The following CFAP54 variants were observed in gnomAD, a reference collection of about 807,000 sequenced individuals.
CFAP54 encodes cilia and flagella associated protein 54.
In CFAP54, 290 loss-of-function variants were observed where a neutral mutation model predicts 370.4. The observed-to-expected ratio is 0.78, with a 90% confidence interval of 0.71 to 0.86. CFAP54 has a LOEUF of 0.86. Among genes scored for constraint, CFAP54 ranks in the 40% least tolerant of loss-of-function variants. CFAP54 has a pLI of 0.00. For missense variants in CFAP54, 3,399 were observed against 3,528.7 expected (o/e 0.96, Z 0.93); for synonymous variants, 1,206 against 1,236.5 (o/e 0.98, Z 0.52).
Position 96,626,632 on chromosome 12 carries a change from A to G in CFAP54, c.3977-181A>G, listed in dbSNP as rs184913418. On this transcript the variant is annotated intron_variant, in intron 29 of 67. Transcript: ENST00000524981. ...AATATAGACTGTAAAGGATTCATTG[A>G]TATTAGAAAAACAATAGTTCACACC... 3.4e-3 allele frequency among the ~76,000 whole-genome samples: 512 copies of G among 152,318 alleles called. 2 individuals are homozygous for G. The highest frequency in any genetic ancestry group is 0.012 in the African/African-American group (489 of 41,578).
chr12:96,506,077 C>T (rs1165528315), intron 3 of CFAP54, among the ~76,000 whole-genome samples: 1 of 152,138 alleles, frequency 6.6e-6, no homozygotes, highest in Admixed American at 6.5e-5. Flanking sequence ...CGGTGGCTCA[C>T]GCCTGTAATC....
intron 39 of CFAP54, among the ~76,000 whole-genome samples, chr12:96,677,192 G>T (rs1001475669): frequency 1.1e-3 from 154 of 139,278 alleles, no homozygotes; most frequent in African/African-American, 3.8e-3. Context: ...TATTTTTTTT[G>T]TAGAGACAGG....
chr12:96,602,110 C>A (rs1198715565), intron 26 of CFAP54, among the ~76,000 whole-genome samples: 2 of 152,160 alleles, frequency 1.3e-5, no homozygotes, highest in Non-Finnish European at 2.9e-5. Flanking sequence ...ATAAATTTCC[C>A]TCTACACACT....
At position 96,489,588 on chromosome 12, in the gene CFAP54, A is replaced by G. The variant is rs1178362430; in HGVS notation, c.-22A>G. 1 of 1,499,146 alleles carries G rather than the reference A, an allele frequency of 6.7e-7. No individual in the cohort carries two copies. The highest frequency in any genetic ancestry group is 1.3e-5 in the South Asian group (1 of 79,948). 92.9% of individuals were successfully genotyped at this position (1,499,146 alleles called of 1,614,324 possible). On this transcript the variant is annotated 5_prime_UTR_variant, in exon 1 of 68. Coordinates refer to ENST00000524981, the MANE Select transcript of CFAP54 (RefSeq NM_001306084.2). ...AGGCAACCGCGTGTACACATACTCCAGGCGGGCCGGGGCGCGTCAATATGG... is the reference window on the plus strand; with the variant it reads ...AGGCAACCGCGTGTACACATACTCCGGGCGGGCCGGGGCGCGTCAATATGG...
chr12:96,612,771 A>T (rs574630048), intron 26 of CFAP54, among the ~76,000 whole-genome samples: 1 of 152,320 alleles, frequency 6.6e-6, no homozygotes, highest in East Asian at 1.9e-4. Flanking sequence ...AAAGAGACAA[A>T]GAAGACCATT....
At chr12:96,626,052 G>A (rs756963544) in intron 29 of CFAP54, among the ~76,000 whole-genome samples, 3 of 152,078 alleles carry the variant, frequency 2.0e-5, no homozygotes, top group Non-Finnish European at 2.9e-5. Flanking sequence ...GGTAGTGAAT[G>A]GTGTTATTAT....
chr12:96,532,167 T>C (rs1318849523), intron 9 of CFAP54, among the ~76,000 whole-genome samples: 1 of 152,266 alleles, frequency 6.6e-6, no homozygotes, highest in Non-Finnish European at 1.5e-5. Flanking sequence ...TTTTCCATTT[T>C]CTTGCTTCTT....
chr12:96,631,644 CTG>C (rs1956608949), intron 32 of CFAP54, among the ~76,000 whole-genome samples: 1 of 149,714 alleles, frequency 6.7e-6, no homozygotes, highest in East Asian at 1.9e-4. Flanking sequence ...ATACATATTT[CTG>C]TGTGCATAAT....
chr12:96,600,387 A>T (rs780029526), intron 26 of CFAP54, among the ~76,000 whole-genome samples: 47 of 152,254 alleles, frequency 3.1e-4, no homozygotes, highest in South Asian at 4.1e-4. Flanking sequence ...TGGTTACTGT[A>T]GCCTTGTAGT....
chr12:96,694,463 GA>G (rs1395394895), intron 45 of CFAP54, among the ~76,000 whole-genome samples: 1 of 151,690 alleles, frequency 6.6e-6, no homozygotes, highest in African/African-American at 2.4e-5. Context: ...CTCTAATATA[GA>G]ATTCAACTCT....
chr12:96,814,380 T>C (rs1028685066), intron 64 of CFAP54, among the ~76,000 whole-genome samples: 2 of 152,176 alleles, frequency 1.3e-5, no homozygotes, highest in Non-Finnish European at 1.5e-5. Flanking sequence ...AGTCTTACAG[T>C]AGAAGGAACC....
chr12:96,521,933 A>G lies in CFAP54; in HGVS notation c.1019A>G (p.Glu340Gly). The G allele has an allele frequency of 6.5e-7, 1 of 1,534,944 alleles. No homozygotes were observed. ...TTAATGAGTTCCTCAAAATCCCAGG[A>G]AGAATCGCGAAGATATTTTCGAGAG... ...LELMSSSKSQEESRRYFREAT... is the reference protein window; with the variant it reads ...LELMSSSKSQGESRRYFREAT... Residue 340 changes from glutamate (E) to glycine (G), a missense_variant, in exon 7 of 68, where the codon GAA (glutamate) becomes GGA (glycine). By Grantham distance (98) the Glu-to-Gly change is moderately conservative (BLOSUM62 -2). This residue lies in a region of CFAP54 where 559 missense variants were observed against 576.7 expected (regional missense o/e 0.97). Coordinates refer to ENST00000524981, the MANE Select transcript of CFAP54 (RefSeq NM_001306084.2).
At chr12:96,537,235 A>G (rs1476248663) in intron 12 of CFAP54, among the ~76,000 whole-genome samples, 1 of 152,112 alleles carries the variant, frequency 6.6e-6, no homozygotes, top group African/African-American at 2.4e-5. Flanking sequence ...ATCAGTTGAC[A>G]CCCAGTGTGA....
At chr12:96,814,014 C>G (rs1321615983) in intron 64 of CFAP54, among the ~76,000 whole-genome samples, 2 of 152,208 alleles carry the variant, frequency 1.3e-5, no homozygotes, top group Admixed American at 6.5e-5. Context: ...TGATGTTGCT[C>G]TTTGCATGAG....
intron 65 of CFAP54, among the ~76,000 whole-genome samples, chr12:96,826,977 T>G (rs897998705): frequency 2.9e-5 from 4 of 137,096 alleles, no homozygotes; most frequent in African/African-American, 1.1e-4. Context: ...TATATATGAT[T>G]ATATATAATA....
At chr12:96,624,523 T>C (rs1456531911) in intron 28 of CFAP54, among the ~76,000 whole-genome samples, 2 of 152,240 alleles carry the variant, frequency 1.3e-5, no homozygotes, top group African/African-American at 4.8e-5. Flanking sequence ...AATGCAATGA[T>C]TGGTATTTTG....
At chr12:96,681,259 A>T (rs1957267862) in intron 40 of CFAP54, among the ~76,000 whole-genome samples, 1 of 152,186 alleles carries the variant, frequency 6.6e-6, no homozygotes. Context: ...CTCAGGCTGT[A>T]GACTTCAAAA....
chr12:96,701,389 A>C (rs1359655546), intron 46 of CFAP54, among the ~76,000 whole-genome samples: 1 of 152,146 alleles, frequency 6.6e-6, no homozygotes, highest in Non-Finnish European at 1.5e-5. Flanking sequence ...GTGCTTACTG[A>C]ATACAGATGC....
rs540758562 is a variant in CFAP54 at position 96,504,006 on chromosome 12, A to G, written c.544A>G (p.Lys182Glu). 101 of 1,522,616 alleles carry G rather than the reference A, an allele frequency of 6.6e-5. 1 individual carries two copies. The African/African-American group carries it at 1.3e-3, about 20-fold the overall frequency. The allele number at this position is 1,522,616 out of a possible 1,614,324, so 94.3% of individuals were successfully genotyped here. A position where few individuals can be genotyped will look rare whatever the true frequency, so the allele number is the denominator to read the frequency against. ...AGCTACCTTTTTCCCAAAAGGCTTT[A>G]AAGATAAAACTGCTGGACTTACAGT... is the stretch of plus-strand genomic sequence containing the variant. ...FKATFFPKGF[K>E]DKTAGLTFHA... is the part of the protein sequence containing the mutation. The change falls in exon 3 of 68, where the codon AAA becomes GAA. Residue 182 changes from lysine (K) to glutamate (E), a missense_variant. Around this residue, in one of 3 missense-constraint regions of CFAP54, gnomAD observed 559 missense variants for 576.7 expected, o/e 0.97. Transcript: ENST00000524981.
Sources: allele counts gnomAD v4.1 joint callset (sites outside exome capture counted in the v4.1 genomes callset), GRCh38; gene constraint gnomAD v4.1.1; regional missense constraint gnomAD v4.1.1; transcripts MANE v1.5; gene names NCBI Gene and HGNC (gene_info 2026-07-23, HGNC 2026-07-21).